CDH17: variants seen among roughly 807,000 people sequenced by gnomAD.
The protein encoded by CDH17 is cadherin-17.
In CDH17, 67 loss-of-function variants were observed where a neutral mutation model predicts 86.3. That is an observed-to-expected ratio of 0.78 (90% CI 0.64 to 0.95). The LOEUF (loss-of-function observed/expected upper bound fraction) is 0.95. Among genes scored for constraint, CDH17 ranks in the 40% least tolerant of loss-of-function variants. CDH17 has a pLI of 0.00. For synonymous variants in CDH17, 367 were observed against 366.4 expected (o/e 1.00, Z -0.02); for missense variants, 993 against 1,017.6 (o/e 0.98, Z 0.33).
chr8:94,198,385 G>A (rs1813827516), intron 1 of CDH17, among the ~76,000 whole-genome samples: 1 of 152,018 alleles, frequency 6.6e-6, no homozygotes, highest in South Asian at 2.1e-4. Flanking sequence ...TATTTGGTTT[G>A]GAAACACATA....
At chr8:94,161,964 T>C (rs916562467) in intron 11 of CDH17, 122 bp downstream of exon 11, 18 of 627,864 alleles carry the variant, frequency 2.9e-5, no homozygotes, top group Non-Finnish European at 4.9e-5. Flanking sequence ...ATTTGTGCAC[T>C]GACCAAGGTT....
chr8:94,130,585 G>C (rs1295693170), intron 17 of CDH17, 41 bp downstream of exon 17: 1 of 1,362,388 alleles, frequency 7.3e-7, no homozygotes, highest in Non-Finnish European at 1.0e-6. Flanking sequence ...ACATTTCTGA[G>C]GCCCAGGATA....
At chr8:94,136,506 T>C (rs1342591469) in intron 15 of CDH17, among the ~76,000 whole-genome samples, 1 of 152,226 alleles carries the variant, frequency 6.6e-6, no homozygotes, top group Non-Finnish European at 1.5e-5. Flanking sequence ...ATTTAAGGTC[T>C]TCTCTACACT....
At chr8:94,173,727 A>C (rs1813312070) in intron 7 of CDH17, 70 bp downstream of exon 7, 3 of 1,107,202 alleles carry the variant, frequency 2.7e-6, no homozygotes, top group Non-Finnish European at 4.2e-6. Context: ...GAAGACTGTG[A>C]GGGTGGGTCT....
At chr8:94,155,126 C>A (rs1473064200) in intron 12 of CDH17, among the ~76,000 whole-genome samples, 1 of 151,960 alleles carries the variant, frequency 6.6e-6, no homozygotes, top group Non-Finnish European at 1.5e-5. Context: ...TGTAAGCCAG[C>A]TAAGTGTGAA....
At chr8:94,177,555 G>A (rs375938467) in intron 4 of CDH17, 32 bp downstream of exon 4, 10 of 1,612,294 alleles carry the variant, frequency 6.2e-6, no homozygotes, top group Non-Finnish European at 8.5e-6. Flanking sequence ...AGAGAGGTTG[G>A]AGTTAGATCC....
intron 15 of CDH17, among the ~76,000 whole-genome samples, chr8:94,131,625 T>C (rs1812417176): frequency 7.3e-6 from 1 of 136,720 alleles, no homozygotes; most frequent in Non-Finnish European, 1.6e-5. Context: ...ACTTCAGCAC[T>C]ATAGTTCAAA....
chr8:94,195,855 G>T (rs1164257625), intron 1 of CDH17, among the ~76,000 whole-genome samples: 7 of 151,928 alleles, frequency 4.6e-5, no homozygotes, highest in Non-Finnish European at 1.0e-4. Flanking sequence ...CCGCCTCCCA[G>T]GTTTACACCA....
intron 1 of CDH17, chr8:94,197,355 TAATA>T (rs1398284345): frequency 2.6e-5 from 4 of 151,848 alleles, no homozygotes; most frequent in African/African-American, 9.7e-5. Context: ...TAAAAATAAA[TAATA>T]AATTAAAATT....
intron 11 of CDH17, among the ~76,000 whole-genome samples, chr8:94,160,751 C>T (rs79959626): frequency 0.024 from 3,596 of 152,250 alleles, 138 homozygotes; most frequent in African/African-American, 0.083. Flanking sequence ...GCATGTAAAG[C>T]TCCTAAATTC....
Position 94,130,673 on chromosome 8 carries a change from G to C in CDH17, c.2351C>G (p.Thr784Ser). The change falls in exon 17 of 18, where the codon ACT becomes AGT. Residue 784 changes from threonine (T) to serine (S), a missense_variant. Physicochemically the swap from Thr to Ser is moderately conservative, Grantham distance 58. Transcript: ENST00000027335. ...RPAGHQTGIP[T>S]VGMAVGILLT... ...CAGTATACCAACTGCCATGCCCACA[G>C]TGGGTATCCCAGTCTGGTGACCTGC... The C allele has an allele frequency of 1.9e-6, 3 of 1,613,954 alleles. No homozygotes were observed. Among genetic ancestry groups the C allele is most frequent in the Non-Finnish European group, 2.5e-6 (3 of 1,179,906 alleles).
chr8:94,152,235 A>C, intron 12 of CDH17, 123 bp from the exon 13 acceptor site: 13 of 941,870 alleles, frequency 1.4e-5, no homozygotes, highest in Non-Finnish European at 1.9e-5. Flanking sequence ...GGATATCCAC[A>C]TGTGGGAGAA....
At chr8:94,199,071 ATATATATATATATTTTT>A (rs1296370297) in intron 1 of CDH17, among the ~76,000 whole-genome samples, 316 of 16,296 alleles carry the variant, frequency 0.019, 6 homozygotes, top group Non-Finnish European at 0.035. Context: ...ATATATATAT[ATATATATATATATTTTT>A]TTTTTTTTAT....
chr8:94,150,215 G>C (rs1346043425), intron 13 of CDH17, among the ~76,000 whole-genome samples: 1 of 152,124 alleles, frequency 6.6e-6, no homozygotes, highest in Non-Finnish European at 1.5e-5. Flanking sequence ...TGCTTTGGAG[G>C]GTTTTGAAAG....
chr8:94,192,227 CA>C (rs1339147704), intron 2 of CDH17, among the ~76,000 whole-genome samples: 1 of 152,148 alleles, frequency 6.6e-6, no homozygotes, highest in Non-Finnish European at 1.5e-5. Flanking sequence ...TTTCAAAGTG[CA>C]TGTGGACACT....
intron 15 of CDH17, among the ~76,000 whole-genome samples, chr8:94,134,267 G>A (rs1040644381): frequency 6.6e-6 from 1 of 152,200 alleles, no homozygotes; most frequent in Non-Finnish European, 1.5e-5. Flanking sequence ...GAATTCAGCT[G>A]TGAATCCATC....
upstream of CDH17, among the ~76,000 whole-genome samples, chr8:94,212,780 T>C: frequency 6.6e-6 from 1 of 152,254 alleles, no homozygotes; most frequent in Non-Finnish European, 1.5e-5. Flanking sequence ...TAACTTCATC[T>C]ATAGATGCTG....
At chr8:94,196,567 G>A (rs1438342473) in intron 1 of CDH17, among the ~76,000 whole-genome samples, 1 of 152,146 alleles carries the variant, frequency 6.6e-6, no homozygotes, top group African/African-American at 2.4e-5. Flanking sequence ...TTAGCCAGGT[G>A]GGTGACTCAT....
chr8:94,211,697 T>C (rs1026965754), upstream of CDH17, among the ~76,000 whole-genome samples: 1 of 152,254 alleles, frequency 6.6e-6, no homozygotes, highest in African/African-American at 2.4e-5. Context: ...ATGTTCTTTA[T>C]GTGTTACATA....
Sources: allele counts gnomAD v4.1 joint callset (sites outside exome capture counted in the v4.1 genomes callset), GRCh38; gene constraint gnomAD v4.1.1; transcripts MANE v1.5; gene names NCBI Gene and HGNC (gene_info 2026-07-23, HGNC 2026-07-21).